Variants in CPSF3 observed in about 807,000 individuals in gnomAD.
CPSF3 encodes the protein cleavage and polyadenylation specificity factor subunit 3.
Under a neutral mutation model 84.1 loss-of-function variants are expected in CPSF3, and 57 were observed. The ratio of observed to expected loss-of-function variants is 0.68; its 90% CI spans 0.55 to 0.85. The LOEUF (loss-of-function observed/expected upper bound fraction) is 0.85, where lower values mean the gene tolerates loss of function less well. Among genes scored for constraint, CPSF3 ranks in the 40% least tolerant of loss-of-function variants. The pLI is 0.00. For missense variants in CPSF3, 522 were observed against 838.8 expected, an observed-to-expected ratio of 0.62 and a Z score of 4.66; for synonymous variants, 275 against 278.1, an observed-to-expected ratio of 0.99 and a Z score of 0.11.
intron 12 of CPSF3, 92 bp from the exon 13 acceptor site, chr2:9,455,567 C>G (rs1379578969): frequency 2.4e-5 from 21 of 889,214 alleles, no homozygotes. Flanking sequence ...AACATGTTCA[C>G]ATTTACTTGC....
chr2:9,450,777 G>C (rs1681303113), intron 11 of CPSF3, among the ~76,000 whole-genome samples: 1 of 152,178 alleles, frequency 6.6e-6, no homozygotes, highest in Admixed American at 6.5e-5. Context: ...AACAGAGCAA[G>C]ACTCCGTCTT....
At chr2:9,469,924 A>T (rs966880368) in intron 16 of CPSF3, among the ~76,000 whole-genome samples, 4 of 152,136 alleles carry the variant, frequency 2.6e-5, no homozygotes, top group Non-Finnish European at 5.9e-5. Flanking sequence ...TTAAAATATA[A>T]TTTTTTTGGC....
At chr2:9,457,300 A>G (rs1681568233) in intron 14 of CPSF3, among the ~76,000 whole-genome samples, 1 of 152,096 alleles carries the variant, frequency 6.6e-6, no homozygotes, top group Non-Finnish European at 1.5e-5. Flanking sequence ...TGTGATAAAT[A>G]TAGTCCTTTC....
chr2:9,453,288 C>T (rs2124844959), intron 12 of CPSF3, among the ~76,000 whole-genome samples: 1 of 152,340 alleles, frequency 6.6e-6, no homozygotes, highest in South Asian at 2.1e-4. Flanking sequence ...CCCTCTACAA[C>T]AGACTTGTGG....
At position 9,459,460 on chromosome 2, in the gene CPSF3, G is replaced by A. The variant is rs572193628; in HGVS notation, c.1699-71G>A. ...ATATGTACAGTCCATGGTTTGGTGG[G>A]TTGTAGTTGTAGCCTTTGTGGTTGG... is the stretch of plus-strand genomic sequence containing the variant. On this transcript the variant is annotated intron_variant, in intron 14 of 17. Transcript: ENST00000238112. The A allele has an allele frequency of 1.2e-4, 105 of 893,752 alleles. 2 individuals are homozygous for A. The South Asian group carries it at 1.4e-3, about 12-fold the overall frequency. 55.4% of individuals were successfully genotyped at this position (893,752 alleles called of 1,614,324 possible).
At position 9,423,819 on chromosome 2, in the gene CPSF3, C is replaced by T; in HGVS notation, c.46C>T (p.Pro16Ser). ...AEESDQLLIR[P>S]LGAGQEVGRS... Reference sequence around the variant, plus strand: ...GGAGAGCGACCAGCTGCTGATCCGACCCCTGTAAGGGACCAGCGAGAGAGG... The same window carrying T: ...GGAGAGCGACCAGCTGCTGATCCGATCCCTGTAAGGGACCAGCGAGAGAGG... The change falls in exon 1 of 18, where the codon CCC becomes TCC. Residue 16 changes from proline to serine, a missense_variant. Physicochemically the swap from Pro to Ser is moderately conservative, Grantham distance 74 (BLOSUM62 -1). Transcript: ENST00000238112. 3.7e-6 allele frequency: 6 copies of T among 1,613,190 alleles called. No homozygotes were observed. The highest frequency in any genetic ancestry group is 5.1e-6 in the Non-Finnish European group (6 of 1,179,644).
At chr2:9,454,275 G>C (rs1210771036) in intron 12 of CPSF3, among the ~76,000 whole-genome samples, 1 of 152,078 alleles carries the variant, frequency 6.6e-6, no homozygotes, top group Non-Finnish European at 1.5e-5. Context: ...GGGTGTGGTG[G>C]CATGTGCCTG....
chr2:9,443,817 AC>A (rs1400931655), intron 10 of CPSF3, among the ~76,000 whole-genome samples, 156 bp downstream of exon 10: 1 of 151,802 alleles, frequency 6.6e-6, no homozygotes, highest in Non-Finnish European at 1.5e-5. Flanking sequence ...GGCCTTTACA[AC>A]TCCCCTTTGA....
chr2:9,450,997 A>G (rs1681311502), intron 11 of CPSF3, among the ~76,000 whole-genome samples: 1 of 151,372 alleles, frequency 6.6e-6, no homozygotes, highest in Non-Finnish European at 1.5e-5. Flanking sequence ...TTTTTCTTAT[A>G]CCTGTAGAAA....
chr2:9,446,808 A>G (rs1252303725), intron 10 of CPSF3, among the ~76,000 whole-genome samples: 1 of 152,018 alleles, frequency 6.6e-6, no homozygotes, highest in Non-Finnish European at 1.5e-5. Context: ...AGTGAATGGA[A>G]AGGGACTGGT....
chr2:9,452,947 A>G lies in CPSF3; in HGVS notation c.1430A>G (p.Gln477Arg). Residue 477 changes from glutamine to arginine, a missense_variant, in exon 12 of 18, where the codon CAA becomes CGA. Coordinates refer to ENST00000238112, the MANE Select transcript of CPSF3 (RefSeq NM_016207.4). The stretch of plus-strand genomic sequence containing the variant: ...TTTTTAGCAGACAAAAAACCAGAAC[A>G]AGGCCAGCGGGTCTCAGGAATACTT... ...MGFLADKKPE[Q>R]GQRVSGILVK... 6.2e-7 allele frequency: 1 copy of G among 1,609,004 alleles called. No individual in the cohort carries two copies.
chr2:9,430,642 G>A lies in CPSF3; in HGVS notation c.213-110G>A, dbSNP rs142956014. On this transcript the variant is annotated intron_variant, in intron 3 of 17. Coordinates refer to ENST00000238112, the MANE Select transcript of CPSF3 (RefSeq NM_016207.4). ...ACTCTTGGTTTTTCTGAAAGTATCAGCACATAGTTGTTTATATAAAACTTG... is the reference window on the plus strand; with the variant it reads ...ACTCTTGGTTTTTCTGAAAGTATCAACACATAGTTGTTTATATAAAACTTG... 112 of 963,802 alleles carry A rather than the reference G, an allele frequency of 1.2e-4. No homozygotes were observed. The African/African-American group carries it at 1.6e-3, about 13-fold the overall frequency. The allele number at this position is 963,802 out of a possible 1,614,324, so 59.7% of individuals were successfully genotyped here.
At chr2:9,468,120 ATATT>A in intron 16 of CPSF3, 1 of 217,472 alleles carries the variant, frequency 4.6e-6, no homozygotes, top group Non-Finnish European at 8.9e-6. Flanking sequence ...ATTATTTTAT[ATATT>A]TACTTGTTAA....
chr2:9,448,258 TATGAAGATAACG>T lies in CPSF3; in HGVS notation c.1310_1321del (p.Asp437_Glu440del). The T allele has an allele frequency of 6.2e-7, 1 of 1,612,506 alleles. No homozygotes were observed. The highest frequency in any genetic ancestry group is 8.5e-7 in the Non-Finnish European group (1 of 1,178,700). On this transcript the variant is annotated inframe_deletion, in exon 11 of 18. Transcript: ENST00000238112. ...ATTGAAAGCAGCACTGATTCGAGAA[TATGAAGATAACG>T]ATGAAGTTCACATAGAGGTTCATAA... is the stretch of plus-strand genomic sequence containing the variant.
chr2:9,423,671 T>C lies in CPSF3; in HGVS notation c.-103T>C. On this transcript the variant is annotated 5_prime_UTR_variant, in exon 1 of 18. Coordinates refer to ENST00000238112, the MANE Select transcript of CPSF3 (RefSeq NM_016207.4). ...GGAGTGACGGAAGTTGTGCTCTTGG[T>C]GAATGGGGTTCTTCCTTTTTTATTT... 1 of 1,439,548 alleles carries C rather than the reference T, an allele frequency of 6.9e-7. No individual in the cohort carries two copies. Among genetic ancestry groups the C allele is most frequent in the Admixed American group, 2.1e-5 (1 of 46,764 alleles). The allele number at this position is 1,439,548 out of a possible 1,614,324, so 89.2% of individuals were successfully genotyped here.
Position 9,430,738 on chromosome 2 carries a change from T to A in CPSF3, c.213-14T>A. 6.3e-7 allele frequency: 1 copy of A among 1,597,386 alleles called. No homozygotes were observed. On this transcript the variant is annotated splice_polypyrimidine_tract_variant and intron_variant, in intron 3 of 17. Coordinates refer to ENST00000238112, the MANE Select transcript of CPSF3 (RefSeq NM_016207.4). Reference sequence around the variant, plus strand: ...AATAATTTTAAGAATTAATGCAGCCTCTTTCTTTTTAAGTTTCCATTTGGA... The same window carrying A: ...AATAATTTTAAGAATTAATGCAGCCACTTTCTTTTTAAGTTTCCATTTGGA...
intron 11 of CPSF3, among the ~76,000 whole-genome samples, chr2:9,449,820 A>G (rs1279936419): frequency 2.0e-5 from 3 of 152,206 alleles, no homozygotes; most frequent in Admixed American, 6.5e-5. Context: ...ATAGTTAAGG[A>G]AAGCCTGAGC....
Position 9,428,688 on chromosome 2 carries a change from T to A in CPSF3, c.51-77T>A, listed in dbSNP as rs145087773. On this transcript the variant is annotated intron_variant, in intron 1 of 17. Coordinates refer to ENST00000238112, the MANE Select transcript of CPSF3 (RefSeq NM_016207.4). ...TCATCAGATGGCATGTAGTGTACATTGTAAAAAAGTGTAAGTTTATTGGAC... is the reference window on the plus strand; with the variant it reads ...TCATCAGATGGCATGTAGTGTACATAGTAAAAAAGTGTAAGTTTATTGGAC... 8.8e-4 allele frequency: 843 copies of A among 956,180 alleles called. 3 individuals carry two copies. In the African/African-American group the frequency reaches 0.011, roughly 12 times the overall value. 59.2% of individuals were successfully genotyped at this position (956,180 alleles called of 1,614,324 possible). A position where few individuals can be genotyped will look rare whatever the true frequency, so the allele number is the denominator to read the frequency against.
intron 17 of CPSF3, among the ~76,000 whole-genome samples, chr2:9,472,175 G>C (rs144367798): frequency 2.6e-5 from 4 of 151,640 alleles, no homozygotes; most frequent in African/African-American, 7.3e-5. Flanking sequence ...TTACCCAGGC[G>C]TGGTGGTGTG....
Sources: gnomAD v4.1 joint callset for allele counts (sites outside exome capture counted in the v4.1 genomes callset) on GRCh38, gnomAD v4.1.1 for gene constraint, MANE v1.5 for transcripts, NCBI Gene and HGNC (gene_info 2026-07-23, HGNC 2026-07-21) for gene names.